The following RNF38 variants were observed in gnomAD, a reference collection of about 807,000 sequenced individuals.
The protein encoded by RNF38 is ring finger protein 38, also known as E3 ubiquitin-protein ligase RNF38.
A neutral mutation model predicts 67.2 loss-of-function variants in RNF38; 15 were observed. The ratio of observed to expected loss-of-function variants is 0.22; its 90% CI spans 0.15 to 0.34. The LOEUF is 0.34. RNF38 is among the 10% of genes least tolerant of loss of function. The pLI, the probability that RNF38 is intolerant of heterozygous loss-of-function variation, is 1.00. For missense variants in RNF38, 524 were observed against 639.9 expected (o/e 0.82, Z 1.95); for synonymous variants, 220 against 218.8 (o/e 1.01, Z -0.05).
chr9:36,382,074 G>C (rs10814381), intron 2 of RNF38, among the ~76,000 whole-genome samples: 9,870 of 152,214 alleles, frequency 0.065, 403 homozygotes, highest in Middle Eastern at 0.12. Flanking sequence ...ATGATGCTTG[G>C]ATAATTTAGA....
intron 10 of RNF38, among the ~76,000 whole-genome samples, chr9:36,342,700 T>C (rs1488207177): frequency 6.6e-6 from 1 of 152,156 alleles, no homozygotes; most frequent in Non-Finnish European, 1.5e-5. Context: ...GAACTGGATG[T>C]CCACATACAA....
intron 11 of RNF38, among the ~76,000 whole-genome samples, chr9:36,341,878 G>A (rs1832876793): frequency 1.9e-5 from 1 of 53,946 alleles, no homozygotes; most frequent in African/African-American, 5.9e-5. Context: ...AGAAGCCCCT[G>A]CAATAATTTC....
chr9:36,482,747 A>C (rs971262758), intron 1 of RNF38, among the ~76,000 whole-genome samples: 2 of 152,212 alleles, frequency 1.3e-5, no homozygotes, highest in African/African-American at 4.8e-5. Context: ...GGTTCAGCTG[A>C]GCATGGTGAT....
At chr9:36,434,723 A>G (rs1034364104) in intron 1 of RNF38, among the ~76,000 whole-genome samples, 1 of 152,192 alleles carries the variant, frequency 6.6e-6, no homozygotes. Flanking sequence ...TTCCAATCCT[A>G]AAAGTACATC....
At chr9:36,340,508 T>A (rs993081780) in intron 11 of RNF38, among the ~76,000 whole-genome samples, 1 of 152,100 alleles carries the variant, frequency 6.6e-6, no homozygotes, top group Non-Finnish European at 1.5e-5. Flanking sequence ...TTCAGCTTCC[T>A]GAAAACCTAG....
intron 1 of RNF38, among the ~76,000 whole-genome samples, chr9:36,463,182 T>A (rs905746333): frequency 3.3e-5 from 5 of 152,296 alleles, no homozygotes; most frequent in African/African-American, 7.2e-5. Context: ...CTGTCTCACA[T>A]CATGAGGATG....
chr9:36,418,222 T>A (rs1459966839), intron 2 of RNF38, among the ~76,000 whole-genome samples: 1 of 151,974 alleles, frequency 6.6e-6, no homozygotes, highest in Non-Finnish European at 1.5e-5. Flanking sequence ...TACACAGGGT[T>A]TTGCCATGTT....
At chr9:36,440,507 G>A (rs1587140196) in intron 1 of RNF38, among the ~76,000 whole-genome samples, 1 of 151,538 alleles carries the variant, frequency 6.6e-6, no homozygotes, top group Non-Finnish European at 1.5e-5. Context: ...CTCCAGCCTG[G>A]GCAACAAGAG....
intron 11 of RNF38, among the ~76,000 whole-genome samples, chr9:36,341,733 T>C (rs967881835): frequency 1.5e-4 from 23 of 151,734 alleles, no homozygotes; most frequent in African/African-American, 3.7e-4. Context: ...CAAGGCTACA[T>C]TGAGCCATGA....
chr9:36,368,254 G>A (rs1416988367), intron 4 of RNF38, among the ~76,000 whole-genome samples: 2 of 152,022 alleles, frequency 1.3e-5, no homozygotes, highest in Non-Finnish European at 2.9e-5. Flanking sequence ...GTGTTGTTCT[G>A]GTTATTTACA....
At chr9:36,393,669 A>G (rs1837308986) in intron 1 of RNF38, among the ~76,000 whole-genome samples, 1 of 151,996 alleles carries the variant, frequency 6.6e-6, no homozygotes, top group Non-Finnish European at 1.5e-5. Context: ...ACAAAGGAGG[A>G]AAGACGTTCA....
intron 2 of RNF38, among the ~76,000 whole-genome samples, chr9:36,410,640 G>A (rs1327566968): frequency 1.3e-5 from 2 of 152,228 alleles, no homozygotes; most frequent in Non-Finnish European, 1.5e-5. Flanking sequence ...GCTGAGGCCT[G>A]CGGATAAGAC....
intron 1 of RNF38, among the ~76,000 whole-genome samples, chr9:36,427,702 T>TCTACCTAC (rs764172623): frequency 7.2e-6 from 1 of 139,412 alleles, no homozygotes; most frequent in Admixed American, 7.2e-5. Context: ...TATCTATCTA[T>TCTACCTAC]CTACCTACCT....
intron 1 of RNF38, among the ~76,000 whole-genome samples, chr9:36,446,639 T>C (rs1240313280): frequency 6.7e-6 from 1 of 150,070 alleles, no homozygotes; most frequent in Non-Finnish European, 1.5e-5. Context: ...AAACCCCGTC[T>C]CTACTAAAAA....
rs1447778058 is a variant in RNF38, at chr9:36,369,795, T to C, written c.494A>G (p.Asn165Ser). 1 of 1,613,842 alleles carries C rather than the reference T, an allele frequency of 6.2e-7. No homozygotes were observed. The highest frequency in any genetic ancestry group is 2.2e-5 in the East Asian group (1 of 44,868). ...AGGATGTAGCAGACGGGGAGATACA[T>C]TCGGAGGGTGGAAGGCTCGAGGCTC... ...IEEPRAFHPP[N>S]VSPRLLHPAA... Residue 165 changes from asparagine (N) to serine (S), a missense_variant, in exon 4 of 12, where the codon AAT (asparagine) becomes AGT (serine). Asn to Ser is a conservative substitution (Grantham distance 46). Transcript: ENST00000259605.
chr9:36,458,074 C>T (rs988412088), intron 1 of RNF38, among the ~76,000 whole-genome samples: 5 of 152,194 alleles, frequency 3.3e-5, no homozygotes, highest in Non-Finnish European at 7.3e-5. Flanking sequence ...TTGCAGAACA[C>T]ACAACAAAGG....
chr9:36,363,212 TAC>T (rs1834700519), intron 4 of RNF38, among the ~76,000 whole-genome samples: 1 of 100,284 alleles, frequency 1.0e-5, no homozygotes, highest in African/African-American at 3.0e-5. Flanking sequence ...TAGATGGGAC[TAC>T]AGTGGAGCAC....
chr9:36,349,296 T>G (rs1707303199), intron 9 of RNF38, among the ~76,000 whole-genome samples: 2 of 152,222 alleles, frequency 1.3e-5, no homozygotes, highest in Admixed American at 1.3e-4. Flanking sequence ...TTGCCAATAC[T>G]TACTGACTTT....
At chr9:36,449,434 CT>C (rs1022600576) in intron 1 of RNF38, among the ~76,000 whole-genome samples, 1 of 151,284 alleles carries the variant, frequency 6.6e-6, no homozygotes, top group South Asian at 2.1e-4. Context: ...CTATCTCTCT[CT>C]TTTTTTTCCT....
Sources: gnomAD v4.1 joint callset for allele counts (sites outside exome capture counted in the v4.1 genomes callset) on GRCh38, gnomAD v4.1.1 for gene constraint, MANE v1.5 for transcripts, NCBI Gene and HGNC (gene_info 2026-07-23, HGNC 2026-07-21) for gene names.